The following GCN1 variants were observed in gnomAD, a reference collection of about 807,000 sequenced individuals.
GCN1 encodes GCN1 activator of EIF2AK4, also known as stalled ribosome sensor GCN1.
A neutral mutation model predicts 288.4 loss-of-function variants in GCN1; 90 were observed. The ratio of observed to expected loss-of-function variants is 0.31; its 90% CI spans 0.26 to 0.37. The LOEUF (loss-of-function observed/expected upper bound fraction) is 0.37. GCN1 is among the 10% of genes least tolerant of loss of function. The probability of loss-of-function intolerance (pLI) is 1.00; values close to 1 mark genes in which losing one functional copy is unlikely to be tolerated. For missense variants in GCN1, 2,586 were observed against 3,419.9 expected (o/e 0.76, Z 6.08); for synonymous variants, 1,386 against 1,420.2 (o/e 0.98, Z 0.54).
Position 120,189,558 on chromosome 12 carries a change from G to A in GCN1, c.121+740C>T, listed in dbSNP as rs532182798. 3.5e-3 allele frequency among the ~76,000 whole-genome samples: 531 copies of A among 150,178 alleles called. 6 individuals are homozygous for A. Among genetic ancestry groups the A allele is most frequent in the African/African-American group, 0.012 (499 of 40,902 alleles). On this transcript the variant is annotated intron_variant, in intron 2 of 57. Coordinates refer to ENST00000300648, the MANE Select transcript of GCN1 (RefSeq NM_006836.2). ...TTGTACTTTTTTTTTTAATAGAGAC[G>A]GGGTTTCACCATGTTGGCCAGGATG...
chr12:120,149,479 G>A (rs1157743397), intron 36 of GCN1, 127 bp downstream of exon 36: 1 of 663,090 alleles, frequency 1.5e-6, no homozygotes, highest in Non-Finnish European at 2.7e-6. Flanking sequence ...TTTTAAAAAG[G>A]CAGAGTCTTA....
rs772015009 is a variant in GCN1 at position 120,136,752 on chromosome 12, T to A, written c.6778-20A>T. 5 of 1,587,666 alleles carry A rather than the reference T, an allele frequency of 3.1e-6. No individual in the cohort carries two copies. The South Asian group carries it at 5.5e-5, about 18-fold the overall frequency. On this transcript the variant is annotated intron_variant, in intron 50 of 57. Coordinates refer to ENST00000300648, the MANE Select transcript of GCN1 (RefSeq NM_006836.2). ...CACTCCCTGACAAGAGAACCACAAC[T>A]GAGAGTCAAATCTCAAACACCCTGG...
intron 5 of GCN1, 26 bp downstream of exon 5, chr12:120,183,543 C>A (rs368699710): frequency 1.5e-6 from 2 of 1,357,546 alleles, no homozygotes; most frequent in East Asian, 4.6e-5. Context: ...CTGACCCTTG[C>A]TACTTCAGAG....
chr12:120,161,648 C>T lies in GCN1; in HGVS notation c.2343-65G>A, dbSNP rs1877930843. 3.3e-6 allele frequency: 4 copies of T among 1,219,158 alleles called. No individual in the cohort carries two copies. In the South Asian group the frequency reaches 4.9e-5, roughly 15 times the overall value. 75.5% of individuals were successfully genotyped at this position (1,219,158 alleles called of 1,614,324 possible). ...ACCGCAAGTCCTGTCAGCCTCCCGC[C>T]AGCCATGCAATTCCAACTAGCTGTT... On this transcript the variant is annotated intron_variant, in intron 21 of 57. Transcript: ENST00000300648.
At chr12:120,177,226 G>C (rs939964484) in intron 9 of GCN1, among the ~76,000 whole-genome samples, 1 of 152,028 alleles carries the variant, frequency 6.6e-6, no homozygotes, top group African/African-American at 2.4e-5. Context: ...GCCCACTGCC[G>C]CCTCCCAAAG....
At chr12:120,164,273 A>G in intron 18 of GCN1, 63 bp downstream of exon 18, 1 of 1,463,296 alleles carries the variant, frequency 6.8e-7, no homozygotes, top group South Asian at 1.2e-5. Context: ...AAAACCCCAC[A>G]TCGTAAGCAG....
intron 45 of GCN1, 57 bp from the exon 46 acceptor site, chr12:120,138,913 G>A: frequency 6.6e-7 from 1 of 1,506,832 alleles, no homozygotes. Context: ...AGGAGCAGAA[G>A]CAGACAAGAA....
chr12:120,163,631 G>A (rs1878006582), intron 18 of GCN1, among the ~76,000 whole-genome samples: 1 of 152,016 alleles, frequency 6.6e-6, no homozygotes, highest in Non-Finnish European at 1.5e-5. Context: ...GTCTTTGAGG[G>A]TCTCCCTCCG....
Position 120,148,012 on chromosome 12 carries a change from T to C in GCN1, c.4726+155A>G, listed in dbSNP as rs1027076843. Among the ~76,000 whole-genome samples the C allele has an allele frequency of 3.9e-5, 6 of 152,208 alleles. No homozygotes were observed. In the East Asian group the frequency reaches 1.2e-3, roughly 29 times the overall value. ...CAGGGATCTCTTGGAGTCAAACTGC[T>C]CCTGAGCCAATGACTCAGTGTCCCT... On this transcript the variant is annotated intron_variant, in intron 37 of 57. Coordinates refer to ENST00000300648, the MANE Select transcript of GCN1 (RefSeq NM_006836.2).
At chr12:120,131,397 G>A (rs1876817427) in intron 54 of GCN1, 64 bp from the exon 55 acceptor site, 9 of 1,496,494 alleles carry the variant, frequency 6.0e-6, no homozygotes, top group Non-Finnish European at 8.3e-6. Context: ...CACCCATGAG[G>A]CCCATGGGCC....
At chr12:120,132,649 C>A (rs1481588397) in intron 53 of GCN1, among the ~76,000 whole-genome samples, 1 of 152,236 alleles carries the variant, frequency 6.6e-6, no homozygotes, top group African/African-American at 2.4e-5. Flanking sequence ...CAAATCAGAG[C>A]CAGGTACGCG....
chr12:120,192,571 CA>C (rs914193048), intron 1 of GCN1, among the ~76,000 whole-genome samples: 29 of 143,146 alleles, frequency 2.0e-4, no homozygotes, highest in African/African-American at 2.0e-4. Flanking sequence ...ACTAAAAATA[CA>C]AAAAAAAAAA....
At position 120,155,199 on chromosome 12, in the gene GCN1, C is replaced by T. The variant is rs757082636; in HGVS notation, c.3630+42G>A. The T allele has an allele frequency of 1.3e-5, 21 of 1,593,040 alleles. No individual in the cohort carries two copies. The South Asian group carries it at 1.3e-4, about 10-fold the overall frequency. On this transcript the variant is annotated intron_variant, in intron 30 of 57. Coordinates refer to ENST00000300648, the MANE Select transcript of GCN1 (RefSeq NM_006836.2). This position sits in a 1 kb window ranked among gnomAD's most constrained non-coding sequence, Gnocchi z 4.9. ...CGGGGTGAGCAGAGACCCACCCAAC[C>T]GCACACACCCAGACTGCATCAGGGC...
rs773632784 is a variant in GCN1 at position 120,142,887 on chromosome 12, A to G, written c.5550T>C (p.Thr1850=). 6.2e-7 allele frequency: 1 copy of G among 1,614,004 alleles called. No homozygotes were observed. Among genetic ancestry groups the G allele is most frequent in the Non-Finnish European group, 8.5e-7 (1 of 1,179,872 alleles). ...AGGCAGTTTCTGTGGTCATCTTCCC[A>G]GTGACTCCTGAGATGTGAAACAGGA... ...GDLLFHISGV[T]GKMTTETASE... The change falls in exon 43 of 58, where the codon ACT becomes ACC. Residue 1850 remains threonine (T), a synonymous_variant. Transcript: ENST00000300648. This position sits in a 1 kb window ranked among gnomAD's most constrained non-coding sequence, Gnocchi z 4.9.
In GCN1 at chr12:120,156,375, G is replaced by A. The variant is rs1008069954; in HGVS notation, c.3312+86C>T. On this transcript the variant is annotated intron_variant, in intron 28 of 57. Transcript: ENST00000300648. The surrounding 1 kb of genome is among the most constrained non-coding windows in gnomAD (Gnocchi z 5.8). ...CTCTAGGCCTCCCACCAGAGTGAGGGACATTCTCTCAAATGCCCATCATGC... is the reference window on the plus strand; with the variant it reads ...CTCTAGGCCTCCCACCAGAGTGAGGAACATTCTCTCAAATGCCCATCATGC... 16 of 1,346,926 alleles carry A rather than the reference G, an allele frequency of 1.2e-5. No individual in the cohort carries two copies. The African/African-American group carries it at 2.3e-4, about 19-fold the overall frequency. 83.4% of individuals were successfully genotyped at this position (1,346,926 alleles called of 1,614,324 possible).
chr12:120,188,171 C>T (rs1011729613), intron 2 of GCN1, among the ~76,000 whole-genome samples: 5 of 152,184 alleles, frequency 3.3e-5, no homozygotes, highest in Non-Finnish European at 7.3e-5. Flanking sequence ...TGGTGGCTGA[C>T]GCCTGTAATC....
Position 120,159,977 on chromosome 12 carries a change from AG to A in GCN1, c.2596del (p.Leu866TrpfsTer8). ...GGTCAGGCCGGACGGGTTCTTGGCC[AG>A]GATGATGTCCAGCAGTCCAAGCGCC... The part of the protein sequence containing the change: ...EAALGLLDII[L>X]AKNPSGLTQY... On this transcript the variant is annotated frameshift_variant, in exon 24 of 58. Coordinates refer to ENST00000300648, the MANE Select transcript of GCN1 (RefSeq NM_006836.2). LOFTEE classifies it high-confidence loss of function. The A allele has an allele frequency of 6.2e-7, 1 of 1,614,204 alleles. No homozygotes were observed. The highest frequency in any genetic ancestry group is 8.5e-7 in the Non-Finnish European group (1 of 1,180,030).
intron 16 of GCN1, among the ~76,000 whole-genome samples, chr12:120,164,968 C>T (rs973739541): frequency 6.9e-5 from 10 of 144,636 alleles, no homozygotes; most frequent in Middle Eastern, 7.4e-3. Context: ...CACATATATA[C>T]ACATATATAT....
chr12:120,152,465 TCAAAA>T (rs1463770965), intron 33 of GCN1, among the ~76,000 whole-genome samples: 1 of 132,812 alleles, frequency 7.5e-6, no homozygotes, highest in Non-Finnish European at 1.5e-5. Context: ...TGCGTGTTTT[TCAAAA>T]CAAAGAAAAA....
Sources: allele counts gnomAD v4.1 joint callset (sites outside exome capture counted in the v4.1 genomes callset), GRCh38; gene constraint gnomAD v4.1.1; non-coding constraint Gnocchi (gnomAD v3.1); transcripts MANE v1.5; gene names NCBI Gene and HGNC (gene_info 2026-07-23, HGNC 2026-07-21).